The following EIF5A variants were observed in gnomAD, a reference collection of about 807,000 sequenced individuals.
EIF5A encodes the protein eukaryotic translation initiation factor 5A.
Under a neutral mutation model 16.6 loss-of-function variants are expected in EIF5A, and 1 was observed. The ratio of observed to expected loss-of-function variants is 0.06; its 90% CI spans 0.02 to 0.28. The LOEUF is 0.28. EIF5A is among the 10% of genes least tolerant of loss of function. The pLI, the probability that EIF5A is intolerant of heterozygous loss-of-function variation, is 1.00. For missense variants in EIF5A, 29 were observed against 196.1 expected (o/e 0.15, Z 5.09); for synonymous variants, 80 against 73.6 (o/e 1.09, Z -0.44).
intron 3 of EIF5A, 108 bp downstream of exon 3, chr17:7,311,230 G>A: frequency 6.3e-7 from 1 of 1,576,362 alleles, no homozygotes; most frequent in Non-Finnish European, 8.6e-7. Flanking sequence ...GGAGGGAAAT[G>A]GCAGGAGAGG....
upstream of EIF5A, chr17:7,307,042 C>A: frequency 6.3e-7 from 1 of 1,592,602 alleles, no homozygotes; most frequent in East Asian, 2.3e-5. Flanking sequence ...AGACATCTCC[C>A]GCGCATGTGT....
At position 7,311,937 on chromosome 17, in the gene EIF5A, T is replaced by C; in HGVS notation, c.*127T>C. ...CCTCCTACACAATTTATTTGACGTTTTATTTTGGTTTTCCCCACCCCCTCA... is the reference window on the plus strand; with the variant it reads ...CCTCCTACACAATTTATTTGACGTTCTATTTTGGTTTTCCCCACCCCCTCA... On this transcript the variant is annotated 3_prime_UTR_variant, in exon 6 of 6. Transcript: ENST00000336458. 4 of 494,718 alleles carry C rather than the reference T, an allele frequency of 8.1e-6. No homozygotes were observed. Among genetic ancestry groups the C allele is most frequent in the Non-Finnish European group, 1.5e-5 (4 of 266,688 alleles). 30.6% of individuals were successfully genotyped at this position (494,718 alleles called of 1,614,324 possible). A position where few individuals can be genotyped will look rare whatever the true frequency, so the allele number is the denominator to read the frequency against.
chr17:7,310,727 C>T (rs1203460380), intron 2 of EIF5A: 1 of 985,324 alleles, frequency 1.0e-6, no homozygotes, highest in Non-Finnish European at 1.2e-6. Context: ...TCCTCCCACT[C>T]CCCTAGACTC....
chr17:7,308,379 C>G, intron 1 of EIF5A: 3 of 1,203,996 alleles, frequency 2.5e-6, no homozygotes, highest in East Asian at 1.3e-4. Context: ...CGGCAGGAGC[C>G]GGCAGCCCCT....
rs2072823700 is a variant in EIF5A, at chr17:7,311,424, T to C, written c.345T>C (p.Pro115=). ...AGGTACGAGAGGACCTTCGTCTCCCTGAGGGAGACCTTGGCAAGGAGATTG... is the reference window on the plus strand; with the variant it reads ...AGGTACGAGAGGACCTTCGTCTCCCCGAGGGAGACCTTGGCAAGGAGATTG... The part of the protein sequence containing the change: ...SGEVREDLRL[P]EGDLGKEIEQ... Residue 115 remains proline (P), a synonymous_variant, in exon 4 of 6, where the codon CCT becomes CCC. Transcript: ENST00000336458. 2 of 1,613,996 alleles carry C rather than the reference T, an allele frequency of 1.2e-6. No homozygotes were observed.
chr17:7,308,892 C>CCGGCCTTT (rs1451726280), intron 1 of EIF5A, among the ~76,000 whole-genome samples: 1 of 152,200 alleles, frequency 6.6e-6, no homozygotes, highest in Non-Finnish European at 1.5e-5. Context: ...CTGTACTGGC[C>CCGGCCTTT]CGGCCTGAAA....
intron 1 of EIF5A, chr17:7,308,647 T>C: frequency 7.7e-7 from 1 of 1,300,342 alleles, no homozygotes; most frequent in Non-Finnish European, 1.0e-6. Flanking sequence ...GAGCCCAACT[T>C]TTCTGTCGGC....
chr17:7,307,481 A>G (rs2072657039), upstream of EIF5A: 9 of 989,984 alleles, frequency 9.1e-6, 1 homozygote, highest in South Asian at 3.6e-4. Flanking sequence ...TATGCGCGTC[A>G]TTGGACGGGT....
At chr17:7,308,583 G>C in intron 1 of EIF5A, 1 of 1,349,380 alleles carries the variant, frequency 7.4e-7, no homozygotes, top group Non-Finnish European at 9.8e-7. Context: ...GGTGTAAGTG[G>C]CACCCCTTCG....
At chr17:7,308,141 G>A (rs927927588) in intron 1 of EIF5A, 24 of 438,222 alleles carry the variant, frequency 5.5e-5, no homozygotes, top group East Asian at 2.0e-4. Flanking sequence ...TCGGTGAGAG[G>A]GCATGATGGG....
intron 1 of EIF5A, among the ~76,000 whole-genome samples, chr17:7,309,010 C>A (rs2072728177): frequency 6.6e-6 from 1 of 152,064 alleles, no homozygotes; most frequent in Non-Finnish European, 1.5e-5. Context: ...GCAGGGGGAT[C>A]ATTTCGGAAA....
intron 1 of EIF5A, among the ~76,000 whole-genome samples, chr17:7,309,364 C>T (rs2072745603): frequency 6.6e-6 from 1 of 152,296 alleles, no homozygotes; most frequent in African/African-American, 2.4e-5. Flanking sequence ...CTCCCTAGAG[C>T]CTTCCTTTCC....
intron 2 of EIF5A, chr17:7,310,516 A>C (rs4796400): frequency 8.6e-7 from 1 of 1,159,630 alleles, no homozygotes; most frequent in East Asian, 6.7e-5. Context: ...ATTATTCTCT[A>C]GTGTCTGGAT....
At chr17:7,308,430 T>G (rs2072701747) in intron 1 of EIF5A, 1 of 1,314,494 alleles carries the variant, frequency 7.6e-7, no homozygotes, top group Non-Finnish European at 1.0e-6. Flanking sequence ...CGAGGGGGCC[T>G]GAGATTTTGA....
intron 2 of EIF5A, chr17:7,310,319 C>A: frequency 7.9e-7 from 1 of 1,271,940 alleles, no homozygotes. Context: ...CCTGCCCCAT[C>A]CCACTCTCCT....
rs553449320 is a variant in EIF5A at position 7,307,985 on chromosome 17, A to C, written c.-22+233A>C. 2.1e-3 allele frequency: 2,025 copies of C among 983,226 alleles called. 5 individuals carry two copies. Among genetic ancestry groups the C allele is most frequent in the South Asian group, 7.7e-3 (165 of 21,464 alleles). The allele number at this position is 983,226 out of a possible 1,614,324, so 60.9% of individuals were successfully genotyped here. ...GAGCGACGCAGGGCGGGGGACGGCG[A>C]GCCGCGAGGCAGCCACGCGGGAGAG... On this transcript the variant is annotated intron_variant, in intron 1 of 5. Transcript: ENST00000336458.
At chr17:7,307,252 T>C (rs530939705), upstream of EIF5A, 93 of 1,214,966 alleles carry the variant, frequency 7.7e-5, no homozygotes, top group South Asian at 1.4e-3. Context: ...GAAGGGGTTG[T>C]TTAGGATTCC....
In EIF5A at chr17:7,311,847, C is replaced by T. The variant is rs1478728851; in HGVS notation, c.*37C>T. ...GGTGGCGGTGGTGGCAGCAGTGATC[C>T]TCTGAACCTGCAGAGGCCCCCTCCC... On this transcript the variant is annotated 3_prime_UTR_variant, in exon 6 of 6. Transcript: ENST00000336458. The T allele has an allele frequency of 2.6e-6, 2 of 772,078 alleles. No homozygotes were observed. The highest frequency in any genetic ancestry group is 3.5e-5 in the African/African-American group (2 of 57,040). The allele number at this position is 772,078 out of a possible 1,614,324, so 47.8% of individuals were successfully genotyped here.
At position 7,308,245 on chromosome 17, in the gene EIF5A, C is replaced by G. The variant is rs1033475318; in HGVS notation, c.-22+493C>G. On this transcript the variant is annotated intron_variant, in intron 1 of 5. Transcript: ENST00000336458. ...GGGCGGCCGCGGCACCGGAAGTGCC[C>G]CCCACGGGAGGCTGCCCTCGGGGTC... The G allele has an allele frequency of 5.6e-5, 58 of 1,037,336 alleles. 1 individual carries two copies. Among genetic ancestry groups the G allele is most frequent in the South Asian group, 2.2e-5 (1 of 44,704 alleles). The allele number at this position is 1,037,336 out of a possible 1,614,324, so 64.3% of individuals were successfully genotyped here.
Sources: allele counts gnomAD v4.1 joint callset (sites outside exome capture counted in the v4.1 genomes callset), GRCh38; gene constraint gnomAD v4.1.1; transcripts MANE v1.5; gene names NCBI Gene and HGNC (gene_info 2026-07-23, HGNC 2026-07-21).